The following ITPR1 variants were observed in gnomAD, a reference collection of about 807,000 sequenced individuals.
The protein encoded by ITPR1 is inositol 1,4,5-trisphosphate-gated calcium channel ITPR1.
ITPR1 carries 96 observed loss-of-function variants against 318.4 expected under a neutral mutation model. The observed-to-expected ratio is 0.30, with a 90% CI of 0.26 to 0.36. ITPR1 has a LOEUF of 0.36. ITPR1 is among the 10% of genes least tolerant of loss of function. The pLI, the probability that ITPR1 is intolerant of heterozygous loss-of-function variation, is 1.00. For synonymous variants in ITPR1, 1,312 were observed against 1,289.9 expected, an observed-to-expected ratio of 1.02 and a Z score of -0.37; for missense variants, 2,440 against 3,460.2, an observed-to-expected ratio of 0.71 and a Z score of 7.40.
rs774836564 is a variant in ITPR1, at chr3:4,680,683, A to G, written c.3098A>G (p.Asn1033Ser). The G allele has an allele frequency of 6.2e-7, 1 of 1,611,042 alleles. No individual in the cohort carries two copies. Among genetic ancestry groups the G allele is most frequent in the South Asian group, 1.1e-5 (1 of 90,802 alleles). Reference sequence around the variant, plus strand: ...AACAGCAGCCAAGAAGGGCCAAGTAATGTACCAGGTTAGTGATTCAGAATG... The same window carrying G: ...AACAGCAGCCAAGAAGGGCCAAGTAGTGTACCAGGTTAGTGATTCAGAATG... ...SGNSSQEGPS[N>S]VPGALDFEHI... is the part of the protein sequence containing the mutation. Residue 1033 changes from asparagine to serine, a missense_variant, in exon 25 of 62, where the codon AAT becomes AGT. Transcript: ENST00000649015.
Position 4,676,609 on chromosome 3 carries a change from C to G in ITPR1, c.2780-5C>G. The G allele has an allele frequency of 6.2e-7, 1 of 1,612,944 alleles. No individual in the cohort carries two copies. The highest frequency in any genetic ancestry group is 8.5e-7 in the Non-Finnish European group (1 of 1,179,324). ...GTGACCGTGGTCTCTCCTGGCCTTT[C>G]CTAGGCAGTAACGTGATGAGATCTA... is the stretch of plus-strand genomic sequence containing the variant. On this transcript the variant is annotated splice_region_variant and splice_polypyrimidine_tract_variant and intron_variant, in intron 23 of 61. Transcript: ENST00000649015.
rs1006644722 is a variant in ITPR1, at chr3:4,681,386, T to G, written c.3129T>G (p.Ile1043Met). 8 of 1,612,690 alleles carry G rather than the reference T, an allele frequency of 5.0e-6. No homozygotes were observed. The highest frequency in any genetic ancestry group is 1.6e-4 in the Middle Eastern group (1 of 6,082). Residue 1043 changes from isoleucine (I) to methionine (M), a missense_variant, in exon 26 of 62, where the codon ATT (isoleucine) becomes ATG (methionine). Ile to Met is a conservative substitution (Grantham distance 10, BLOSUM62 1). Coordinates refer to ENST00000649015, the MANE Select transcript of ITPR1 (RefSeq NM_001378452.1). ...CAGGTGCTCTTGACTTTGAACACAT[T>G]GAAGAACAAGCAGAAGGCATCTTTG... Reference protein sequence around the residue: ...NVPGALDFEHIEEQAEGIFGG... With the variant: ...NVPGALDFEHMEEQAEGIFGG...
chr3:4,798,331 GC>G (rs1173954465), intron 53 of ITPR1, among the ~76,000 whole-genome samples: 1 of 152,200 alleles, frequency 6.6e-6, no homozygotes, highest in Non-Finnish European at 1.5e-5. Context: ...TGTATGAATG[GC>G]CAGTAAGCAC....
At chr3:4,628,167 G>A (rs1483153471) in intron 5 of ITPR1, among the ~76,000 whole-genome samples, 2 of 152,192 alleles carry the variant, frequency 1.3e-5, no homozygotes, top group East Asian at 3.9e-4. Flanking sequence ...TGCCTGGAAT[G>A]GAATCCTGCC....
Position 4,768,754 on chromosome 3 carries a change from G to C in ITPR1, c.5969G>C (p.Arg1990Pro). Reference sequence around the variant, plus strand: ...CAGCTCCTGTGTGAAAACCACAACCGAGACCTGCAGGTGAGGGCCTGGGGG... The same window carrying C: ...CAGCTCCTGTGTGAAAACCACAACCCAGACCTGCAGGTGAGGGCCTGGGGG... ...FLQLLCENHN[R>P]DLQNFLRCQN... is the part of the protein sequence containing the mutation. Residue 1990 changes from arginine to proline, a missense_variant, in exon 46 of 62, where the codon CGA (arginine) becomes CCA (proline). By Grantham distance (103) the Arg-to-Pro change is moderately radical (BLOSUM62 -2). Around this residue, in one of 23 missense-constraint regions of ITPR1, gnomAD observed 76 missense variants for 162.1 expected, o/e 0.47. Coordinates refer to ENST00000649015, the MANE Select transcript of ITPR1 (RefSeq NM_001378452.1). The C allele has an allele frequency of 6.2e-7, 1 of 1,611,324 alleles. No homozygotes were observed. Among genetic ancestry groups the C allele is most frequent in the Non-Finnish European group, 8.5e-7 (1 of 1,178,006 alleles).
chr3:4,617,272 A>T (rs2092423744), intron 4 of ITPR1, among the ~76,000 whole-genome samples: 1 of 152,112 alleles, frequency 6.6e-6, no homozygotes. Flanking sequence ...TATAATGAGC[A>T]GAAACTTGTT....
intron 34 of ITPR1, among the ~76,000 whole-genome samples, chr3:4,699,549 C>A (rs2094610772): frequency 1.3e-5 from 2 of 152,202 alleles, no homozygotes; most frequent in African/African-American, 4.8e-5. Context: ...TTTCCAGACA[C>A]ACGTAGGAAG....
At chr3:4,666,765 G>A (rs1222965847) in intron 17 of ITPR1, among the ~76,000 whole-genome samples, 2 of 152,214 alleles carry the variant, frequency 1.3e-5, no homozygotes, top group Non-Finnish European at 2.9e-5. Flanking sequence ...ATTTGTAAGA[G>A]ATTTCCTTGA....
chr3:4,650,995 T>C (rs1241215167), intron 10 of ITPR1, among the ~76,000 whole-genome samples: 1 of 152,166 alleles, frequency 6.6e-6, no homozygotes, highest in Non-Finnish European at 1.5e-5. Context: ...TGAAGGCTTA[T>C]TTTCAAGCTT....
intron 4 of ITPR1, among the ~76,000 whole-genome samples, chr3:4,565,330 A>G (rs763463506): frequency 2.6e-5 from 4 of 152,196 alleles, no homozygotes; most frequent in African/African-American, 7.2e-5. Context: ...TGCCCTAGCC[A>G]CTAATAGCAC....
At chr3:4,611,708 T>C (rs1309786761) in intron 4 of ITPR1, among the ~76,000 whole-genome samples, 1 of 152,162 alleles carries the variant, frequency 6.6e-6, no homozygotes, top group African/African-American at 2.4e-5. Flanking sequence ...ATCATGCCAC[T>C]GCACTCCAGC....
At chr3:4,753,535 T>A (rs2044709788) in intron 44 of ITPR1, among the ~76,000 whole-genome samples, 1 of 151,700 alleles carries the variant, frequency 6.6e-6, no homozygotes, top group South Asian at 2.1e-4. Flanking sequence ...GGATGCAGGG[T>A]GGGGAGACAT....
In ITPR1 at chr3:4,673,376, C is replaced by A. The variant is rs555436654; in HGVS notation, c.2445C>A (p.Ile815=). 7 of 1,604,690 alleles carry A rather than the reference C, an allele frequency of 4.4e-6. No individual in the cohort carries two copies. Among genetic ancestry groups the A allele is most frequent in the Non-Finnish European group, 6.0e-6 (7 of 1,172,876 alleles). Residue 815 remains isoleucine (I), a synonymous_variant, in exon 21 of 62, where the codon ATC becomes ATA. Coordinates refer to ENST00000649015, the MANE Select transcript of ITPR1 (RefSeq NM_001378452.1). ...TCTGGTCGGAGATTCCCTCGGAGATCGCCATTGACGAGTGAGCCTGGCACC... is the reference window on the plus strand; with the variant it reads ...TCTGGTCGGAGATTCCCTCGGAGATAGCCATTGACGAGTGAGCCTGGCACC... The part of the protein sequence containing the change: ...ARLWSEIPSE[I]AIDDYDSSGA...
At chr3:4,584,594 T>A (rs1260644143) in intron 4 of ITPR1, among the ~76,000 whole-genome samples, 1 of 151,294 alleles carries the variant, frequency 6.6e-6, no homozygotes, top group Non-Finnish European at 1.5e-5. Context: ...TTGAATTTAT[T>A]AAGAGTTTGG....
intron 60 of ITPR1, among the ~76,000 whole-genome samples, chr3:4,821,076 C>G (rs2049682296): frequency 6.6e-6 from 1 of 152,228 alleles, no homozygotes; most frequent in Non-Finnish European, 1.5e-5. Flanking sequence ...ATCAGGTGAT[C>G]TCTTGAATGA....
intron 4 of ITPR1, among the ~76,000 whole-genome samples, chr3:4,583,467 A>G (rs2089564380): frequency 1.3e-5 from 2 of 152,092 alleles, no homozygotes; most frequent in South Asian, 2.1e-4. Flanking sequence ...GGCTGGGATG[A>G]GTGCGTTACA....
intron 4 of ITPR1, among the ~76,000 whole-genome samples, chr3:4,593,243 T>C (rs1281599614): frequency 6.6e-6 from 1 of 152,224 alleles, no homozygotes; most frequent in Non-Finnish European, 1.5e-5. Context: ...CCTGTTGGTT[T>C]CATGGGTGAT....
At chr3:4,625,168 A>G (rs980767080) in intron 4 of ITPR1, among the ~76,000 whole-genome samples, 2 of 152,022 alleles carry the variant, frequency 1.3e-5, no homozygotes, top group Non-Finnish European at 2.9e-5. Flanking sequence ...ATATTTAGTG[A>G]TGAAGGAGAT....
At chr3:4,648,259 C>T (rs1216606214) in intron 10 of ITPR1, among the ~76,000 whole-genome samples, 1 of 152,132 alleles carries the variant, frequency 6.6e-6, no homozygotes, top group African/African-American at 2.4e-5. Context: ...ACCCTCTATC[C>T]ATTTTCCCCT....
Sources: allele counts gnomAD v4.1 joint callset (sites outside exome capture counted in the v4.1 genomes callset), GRCh38; gene constraint gnomAD v4.1.1; regional missense constraint gnomAD v4.1.1; transcripts MANE v1.5; gene names NCBI Gene and HGNC (gene_info 2026-07-23, HGNC 2026-07-21).